Variants in COX7B2 observed in about 807,000 individuals in gnomAD.
The protein encoded by COX7B2 is cytochrome c oxidase subunit 7B2.
For missense variants in COX7B2, 109 were observed against 95.9 expected, an observed-to-expected ratio of 1.14 and a Z score of -0.57; for synonymous variants, 37 against 32.1, an observed-to-expected ratio of 1.15 and a Z score of -0.51.
chr4:46,737,943 A>T (rs1192466910), intron 2 of COX7B2, among the ~76,000 whole-genome samples: 1 of 152,146 alleles, frequency 6.6e-6, no homozygotes, highest in African/African-American at 2.4e-5. Context: ...GGGCAACCAG[A>T]GCCAAATTAA....
chr4:46,800,803 A>C (rs573907213), intron 2 of COX7B2, among the ~76,000 whole-genome samples: 2 of 152,136 alleles, frequency 1.3e-5, no homozygotes, highest in Non-Finnish European at 2.9e-5. Flanking sequence ...AATAAACAGA[A>C]TAAATCAACA....
At chr4:46,850,226 AATTTAAAATGATTTAAAATAATTTAAATG>A (rs1560419069) in intron 1 of COX7B2, among the ~76,000 whole-genome samples, 1 of 148,482 alleles carries the variant, frequency 6.7e-6, no homozygotes, top group Non-Finnish European at 1.5e-5. Context: ...AATTTTAAAT[AATTTAAAATGATTTAAAATAATTTAAATG>A]ATTTAAAATG....
At position 46,829,510 on chromosome 4, in the gene COX7B2, G is replaced by A. The variant is rs139883649; in HGVS notation, c.-50+15450C>T. ...ATTAGTAATAGTTTTCTTAAAGCAT[G>A]TCATCATGAATCTCCTCTAGTAGGT... On this transcript the variant is annotated intron_variant, in intron 2 of 2. Coordinates refer to ENST00000355591, the MANE Select transcript of COX7B2 (RefSeq NM_130902.3). Among the ~76,000 whole-genome samples the A allele has an allele frequency of 4.4e-3, 677 of 152,136 alleles. 6 individuals carry two copies. The highest frequency in any genetic ancestry group is 0.016 in the African/African-American group (655 of 41,532).
intron 2 of COX7B2, among the ~76,000 whole-genome samples, chr4:46,751,017 A>C (rs1715338917): frequency 6.6e-6 from 1 of 152,190 alleles, no homozygotes; most frequent in Admixed American, 6.6e-5. Flanking sequence ...TGAACTATAA[A>C]GCTTTCATGG....
chr4:46,833,561 A>G (rs1715308974), intron 2 of COX7B2, among the ~76,000 whole-genome samples: 1 of 152,192 alleles, frequency 6.6e-6, no homozygotes, highest in African/African-American at 2.4e-5. Context: ...AACTCAGAGA[A>G]ACTCAATGAA....
intron 2 of COX7B2, among the ~76,000 whole-genome samples, chr4:46,820,198 C>A (rs1714170730): frequency 6.6e-6 from 1 of 152,214 alleles, no homozygotes; most frequent in Admixed American, 6.5e-5. Flanking sequence ...TTTCCCTCAA[C>A]TAGATGGTCC....
chr4:46,746,476 C>T (rs867309376), intron 2 of COX7B2, among the ~76,000 whole-genome samples: 10 of 152,112 alleles, frequency 6.6e-5, no homozygotes, highest in African/African-American at 2.4e-4. Context: ...ACGCTGTCAC[C>T]AGAGGTAGGC....
chr4:46,884,212 G>A (rs1002042687), intron 1 of COX7B2, among the ~76,000 whole-genome samples: 1 of 152,004 alleles, frequency 6.6e-6, no homozygotes, highest in Non-Finnish European at 1.5e-5. Flanking sequence ...TGTTTTAGAA[G>A]CAATGTTTCA....
chr4:46,882,153 G>C (rs965392144), intron 1 of COX7B2, among the ~76,000 whole-genome samples: 10 of 152,162 alleles, frequency 6.6e-5, no homozygotes, highest in Non-Finnish European at 1.0e-4. Flanking sequence ...ACTGTGATCT[G>C]AGAGTGTGTT....
At chr4:46,860,904 C>T (rs1717298339) in intron 1 of COX7B2, among the ~76,000 whole-genome samples, 1 of 152,136 alleles carries the variant, frequency 6.6e-6, no homozygotes, top group Non-Finnish European at 1.5e-5. Context: ...TTGGGGTTCA[C>T]TCTTGAGCAC....
At chr4:46,855,591 T>C (rs1716960677) in intron 1 of COX7B2, among the ~76,000 whole-genome samples, 1 of 152,048 alleles carries the variant, frequency 6.6e-6, no homozygotes, top group Admixed American at 6.6e-5. Context: ...AAACTATCCA[T>C]GTATATTGTG....
At chr4:46,869,486 G>A (rs957987355) in intron 1 of COX7B2, among the ~76,000 whole-genome samples, 14 of 152,060 alleles carry the variant, frequency 9.2e-5, no homozygotes, top group African/African-American at 2.4e-5. Flanking sequence ...GTGTTTAAGT[G>A]TCTTTTTGTA....
intron 2 of COX7B2, among the ~76,000 whole-genome samples, chr4:46,804,655 G>T (rs1031672306): frequency 6.6e-6 from 1 of 152,188 alleles, no homozygotes; most frequent in Non-Finnish European, 1.5e-5. Context: ...TGCTTGGTGT[G>T]TTTACAAACC....
intron 2 of COX7B2, among the ~76,000 whole-genome samples, chr4:46,740,022 T>C (rs538740541): frequency 2.8e-4 from 43 of 152,244 alleles, no homozygotes; most frequent in African/African-American, 7.7e-4. Context: ...TTTAATTTTT[T>C]ATTTTCATGA....
At chr4:46,896,792 T>C (rs1489456943) in intron 1 of COX7B2, among the ~76,000 whole-genome samples, 1 of 152,218 alleles carries the variant, frequency 6.6e-6, no homozygotes, top group African/African-American at 2.4e-5. Context: ...GTTCAGCTGA[T>C]ATGACAGACA....
chr4:46,859,578 GA>G (rs1717217211), intron 1 of COX7B2, among the ~76,000 whole-genome samples: 1 of 152,168 alleles, frequency 6.6e-6, no homozygotes, highest in South Asian at 2.1e-4. Flanking sequence ...TGGTAATTTT[GA>G]TTCCTCTATA....
chr4:46,858,384 C>T (rs1344460692), intron 1 of COX7B2, among the ~76,000 whole-genome samples: 1 of 152,148 alleles, frequency 6.6e-6, no homozygotes, highest in Non-Finnish European at 1.5e-5. Flanking sequence ...CATGAGCCAC[C>T]ACGCTTGGCC....
chr4:46,841,516 G>A (rs1425907310), intron 2 of COX7B2, among the ~76,000 whole-genome samples: 1 of 151,860 alleles, frequency 6.6e-6, no homozygotes, highest in African/African-American at 2.4e-5. Flanking sequence ...TTGGGATAAT[G>A]TGCTATCTTA....
At chr4:46,789,203 T>C (rs542136145) in intron 2 of COX7B2, among the ~76,000 whole-genome samples, 2 of 152,166 alleles carry the variant, frequency 1.3e-5, no homozygotes, top group African/African-American at 2.4e-5. Context: ...ATCAAGGCTA[T>C]TTTACTCGTG....
Sources: gnomAD v4.1 joint callset for allele counts (sites outside exome capture counted in the v4.1 genomes callset) on GRCh38, gnomAD v4.1.1 for gene constraint, MANE v1.5 for transcripts, NCBI Gene and HGNC (gene_info 2026-07-23, HGNC 2026-07-21) for gene names.